Variants in METTL2B observed in about 807,000 individuals in gnomAD.
The protein encoded by METTL2B is methyltransferase 2B, tRNA N3-cytidine.
A neutral mutation model predicts 51.0 loss-of-function variants in METTL2B; 28 were observed. The ratio of observed to expected loss-of-function variants is 0.55; its 90% confidence interval spans 0.41 to 0.75. The LOEUF (loss-of-function observed/expected upper bound fraction) is 0.75. Among genes scored for constraint, METTL2B ranks in the 30% least tolerant of loss-of-function variants. The pLI, the probability that METTL2B is intolerant of heterozygous loss-of-function variation, is 0.00. For synonymous variants in METTL2B, 128 were observed against 166.3 expected (o/e 0.77, Z 1.77); for missense variants, 313 against 460.7 (o/e 0.68, Z 2.93).
rs568685946 is a variant in METTL2B at position 128,502,246 on chromosome 7, A to G, written c.*330A>G. ...TCATATTTGTGAAGTCCTTTAAAAC[A>G]TAATTTTCTCAAGTTCTTTCTTTGA... On this transcript the variant is annotated 3_prime_UTR_variant, in exon 9 of 9. Coordinates refer to ENST00000262432, the MANE Select transcript of METTL2B (RefSeq NM_018396.3). 2.4e-5 allele frequency: 7 copies of G among 288,050 alleles called. No individual in the cohort carries two copies. Among genetic ancestry groups the G allele is most frequent in the Middle Eastern group, 1.2e-3 (1 of 850 alleles). The allele number at this position is 288,050 out of a possible 1,614,324, so 17.8% of individuals were successfully genotyped here.
rs1296736508 is a variant in METTL2B at position 128,502,023 on chromosome 7, G to A, written c.*107G>A. ...GCATGCCTGTAATCCCAGCCACTCA[G>A]GAGGCTGAGGCAGGGAGGATCCATT... is the stretch of plus-strand genomic sequence containing the variant. On this transcript the variant is annotated 3_prime_UTR_variant, in exon 9 of 9. Transcript: ENST00000262432. 2 of 1,500,826 alleles carry A rather than the reference G, an allele frequency of 1.3e-6. No homozygotes were observed. The highest frequency in any genetic ancestry group is 1.8e-6 in the Non-Finnish European group (2 of 1,110,962). The allele number at this position is 1,500,826 out of a possible 1,614,324, so 93.0% of individuals were successfully genotyped here.
chr7:128,501,899 C>G lies in METTL2B; in HGVS notation c.1120C>G (p.Leu374Val). ...WIQCKYCKPLLSSTS is the reference protein window; with the variant it reads ...WIQCKYCKPLVSSTS ...TCAGTGCAAATACTGCAAGCCCCTT[C>G]TGTCCAGCACCAGCTAAGAGGCACC... The change falls in exon 9 of 9, where the codon CTG (leucine) becomes GTG (valine). Residue 374 changes from leucine to valine, a missense_variant. Physicochemically the swap from Leu to Val is conservative, Grantham distance 32 (BLOSUM62 1). This residue lies in a region of METTL2B where 138 missense variants were observed against 187.6 expected (regional missense o/e 0.74). Transcript: ENST00000262432. 6.2e-7 allele frequency: 1 copy of G among 1,614,160 alleles called. No homozygotes were observed. The highest frequency in any genetic ancestry group is 2.2e-5 in the East Asian group (1 of 44,884).
rs144140471 is a variant in METTL2B, at chr7:128,498,105, C to T, written c.879C>T (p.Tyr293=). The T allele has an allele frequency of 5.6e-4, 908 of 1,613,702 alleles. 3 individuals are homozygous for T. In the African/African-American group the frequency reaches 9.3e-3, roughly 17 times the overall value. The change falls in exon 7 of 9, where the codon TAC becomes TAT. Residue 293 remains tyrosine, a synonymous_variant. Transcript: ENST00000262432. ...KPGGMVLLRD[Y]GRYDMAQLRF... The stretch of plus-strand genomic sequence containing the variant: ...GGGGGATGGTACTTCTGCGAGATTA[C>T]GGCCGCTATGACATGGCTCAGCTTC...
intron 4 of METTL2B, among the ~76,000 whole-genome samples, chr7:128,481,957 T>C (rs1435075316): frequency 1.3e-5 from 2 of 152,116 alleles, no homozygotes; most frequent in Admixed American, 6.5e-5. Context: ...AGAGTTTTTA[T>C]ACAGCTAGGA....
At chr7:128,482,240 G>A (rs530719153) in intron 4 of METTL2B, among the ~76,000 whole-genome samples, 5 of 151,996 alleles carry the variant, frequency 3.3e-5, no homozygotes, top group African/African-American at 7.3e-5. Context: ...TGCAACCTCC[G>A]CCTTCCGGGT....
intron 4 of METTL2B, among the ~76,000 whole-genome samples, chr7:128,483,627 C>T (rs1390365496): frequency 4.6e-5 from 7 of 152,010 alleles, no homozygotes; most frequent in Non-Finnish European, 8.8e-5. Context: ...CCGCAACCTC[C>T]GCCTCCCAGG....
chr7:128,476,995 C>T (rs187371705), intron 1 of METTL2B, 87 bp from the exon 2 acceptor site: 22,800 of 1,266,804 alleles, frequency 0.018, 205 homozygotes, highest in Non-Finnish European at 0.022. Context: ...AGGCACTCTC[C>T]AAGGGGAGAG....
chr7:128,499,834 T>G (rs572686252), intron 7 of METTL2B, among the ~76,000 whole-genome samples: 4 of 152,198 alleles, frequency 2.6e-5, no homozygotes, highest in African/African-American at 4.8e-5. Context: ...AGCCTTTTTT[T>G]AAGTACCCAA....
intron 5 of METTL2B, among the ~76,000 whole-genome samples, chr7:128,489,473 T>C (rs1325311532): frequency 6.6e-6 from 1 of 151,712 alleles, no homozygotes; most frequent in African/African-American, 2.4e-5. Flanking sequence ...AATAGTTTAT[T>C]GCTAAAACAT....
At position 128,505,503 on chromosome 7, in the gene METTL2B, A is replaced by T. The variant is rs564968618; in HGVS notation, c.*3587A>T. On this transcript the variant is annotated 3_prime_UTR_variant, in exon 9 of 9. Transcript: ENST00000262432. ...TGCTGTGTTCCTCCCATAGGATCGT[A>T]TCAGGCGACACATGATTATGAATTT... 13 of 152,252 alleles carry T rather than the reference A, an allele frequency of 8.5e-5. No individual in the cohort carries two copies. The highest frequency in any genetic ancestry group is 3.1e-4 in the African/African-American group (13 of 41,540). 9.4% of individuals were successfully genotyped at this position (152,252 alleles called of 1,614,324 possible).
chr7:128,500,862 C>A (rs1584798577), intron 7 of METTL2B, 41 bp from the exon 8 acceptor site: 1 of 1,611,260 alleles, frequency 6.2e-7, no homozygotes, highest in East Asian at 2.2e-5. Context: ...GTCAAAGAGA[C>A]ACTTTAAAGT....
At position 128,479,440 on chromosome 7, in the gene METTL2B, C is replaced by G. The variant is rs200760710; in HGVS notation, c.485C>G (p.Thr162Ser). The G allele has an allele frequency of 6.2e-7, 1 of 1,614,164 alleles. No individual in the cohort carries two copies. Among genetic ancestry groups the G allele is most frequent in the Non-Finnish European group, 8.5e-7 (1 of 1,179,964 alleles). Residue 162 changes from threonine (T) to serine (S), a missense_variant, in exon 3 of 9, where the codon ACT (threonine) becomes AGT (serine). Coordinates refer to ENST00000262432, the MANE Select transcript of METTL2B (RefSeq NM_018396.3). ...TQTPPVEENV[T>S]QKISDLEICA... The stretch of plus-strand genomic sequence containing the variant: ...ACACCTCCTGTGGAGGAGAATGTAA[C>G]TCAGAAAATTAGTGACCTGGAAATT...
Position 128,501,511 on chromosome 7 carries a change from G to A in METTL2B, c.983-251G>A, listed in dbSNP as rs534878977. 58 of 985,364 alleles carry A rather than the reference G, an allele frequency of 5.9e-5. No individual in the cohort carries two copies. In the African/African-American group the frequency reaches 9.6e-4, roughly 16 times the overall value. The allele number at this position is 985,364 out of a possible 1,614,324, so 61.0% of individuals were successfully genotyped here. A position where few individuals can be genotyped will look rare whatever the true frequency, so the allele number is the denominator to read the frequency against. On this transcript the variant is annotated intron_variant, in intron 8 of 8. Coordinates refer to ENST00000262432, the MANE Select transcript of METTL2B (RefSeq NM_018396.3). The stretch of plus-strand genomic sequence containing the variant: ...GATAGTTTTGCATAAATTTTAAGGT[G>A]TTCATAGAGCCTAAAGGCCAAATAT...
At chr7:128,486,705 A>G (rs1224815827) in intron 4 of METTL2B, among the ~76,000 whole-genome samples, 1 of 152,102 alleles carries the variant, frequency 6.6e-6, no homozygotes, top group Non-Finnish European at 1.5e-5. Context: ...CAGGTGGATC[A>G]CCTGAGGTCA....
At chr7:128,495,798 T>C (rs969206908) in intron 6 of METTL2B, among the ~76,000 whole-genome samples, 5 of 152,096 alleles carry the variant, frequency 3.3e-5, no homozygotes, top group African/African-American at 1.2e-4. Context: ...GGCTAAGAGA[T>C]TCAGATACCG....
chr7:128,477,746 T>C (rs1799821156), intron 2 of METTL2B, among the ~76,000 whole-genome samples: 1 of 151,594 alleles, frequency 6.6e-6, no homozygotes, highest in South Asian at 2.1e-4. Context: ...AAAATATCCC[T>C]AGATAGTAAA....
intron 2 of METTL2B, chr7:128,478,075 T>G (rs1389777535): frequency 2.7e-6 from 1 of 370,368 alleles, no homozygotes; most frequent in African/African-American, 2.1e-5. Flanking sequence ...GAGTTGTGAG[T>G]TGTTAACACA....
chr7:128,489,972 T>C (rs1792799763), intron 5 of METTL2B, among the ~76,000 whole-genome samples: 1 of 152,200 alleles, frequency 6.6e-6, no homozygotes, highest in African/African-American at 2.4e-5. Context: ...ACCATATCAA[T>C]TGGCTCTTCC....
intron 4 of METTL2B, among the ~76,000 whole-genome samples, chr7:128,484,330 T>A (rs4584096): frequency 6.8e-6 from 1 of 147,552 alleles, no homozygotes; most frequent in Admixed American, 7.0e-5. Context: ...GTTCAGGTGA[T>A]CCTCCCACCT....
Sources: gnomAD v4.1 joint callset for allele counts (sites outside exome capture counted in the v4.1 genomes callset) on GRCh38, gnomAD v4.1.1 for gene constraint, gnomAD v4.1.1 regional missense constraint, MANE v1.5 for transcripts, NCBI Gene and HGNC (gene_info 2026-07-23, HGNC 2026-07-21) for gene names.